GALNT14: variants seen among roughly 807,000 people sequenced by gnomAD.
GALNT14 encodes the protein polypeptide N-acetylgalactosaminyltransferase 14, also known as UDP-GalNAc:polypeptide N-acetylgalactosaminyltransferase 14.
GALNT14 carries 60 observed loss-of-function variants against 77.5 expected under a neutral mutation model. The ratio of observed to expected loss-of-function variants is 0.77; its 90% CI spans 0.63 to 0.96. The LOEUF is 0.96. Ranked by LOEUF, GALNT14 falls within the 40% of genes least tolerant of loss-of-function variation. The pLI is 0.00. For synonymous variants in GALNT14, 280 were observed against 281.7 expected, an observed-to-expected ratio of 0.99 and a Z score of 0.06; for missense variants, 710 against 731.0, an observed-to-expected ratio of 0.97 and a Z score of 0.33.
chr2:31,040,193 G>A (rs1673016639), intron 1 of GALNT14, among the ~76,000 whole-genome samples: 1 of 152,184 alleles, frequency 6.6e-6, no homozygotes, highest in Non-Finnish European at 1.5e-5. Flanking sequence ...GAAAAATAAT[G>A]TAGATAGTAA....
intron 1 of GALNT14, among the ~76,000 whole-genome samples, chr2:31,018,649 T>C (rs1490277428): frequency 6.6e-6 from 1 of 152,202 alleles, no homozygotes; most frequent in African/African-American, 2.4e-5. Context: ...GGCTGGGGAC[T>C]GCTTTTTTTA....
the GALNT14 span, among the ~76,000 whole-genome samples, chr2:30,901,524 C>T: frequency 2.7e-5 from 4 of 150,480 alleles, no homozygotes; most frequent in East Asian, 7.8e-4. Flanking sequence ...TATATAAATT[C>T]CCTTTCCTTT....
chr2:31,099,576 T>C (rs1677166624), intron 1 of GALNT14, among the ~76,000 whole-genome samples: 1 of 152,110 alleles, frequency 6.6e-6, no homozygotes, highest in Non-Finnish European at 1.5e-5. Context: ...TCTTGGTGTA[T>C]ACATGGTGTG....
intron 1 of GALNT14, among the ~76,000 whole-genome samples, chr2:30,993,566 T>C (rs1272112526): frequency 9.2e-5 from 14 of 152,236 alleles, no homozygotes; most frequent in African/African-American, 2.9e-4. Context: ...AGTGGTGTGC[T>C]ACTCACCACC....
chr2:30,965,907 G>A (rs1290162302), intron 3 of GALNT14, among the ~76,000 whole-genome samples: 1 of 152,170 alleles, frequency 6.6e-6, no homozygotes, highest in Non-Finnish European at 1.5e-5. Context: ...TCTAGAGGCA[G>A]CCTGGCAGAG....
chr2:31,014,306 A>C (rs1671211114), intron 1 of GALNT14, among the ~76,000 whole-genome samples: 1 of 152,198 alleles, frequency 6.6e-6, no homozygotes. Context: ...TCAGCTCTGG[A>C]TCTGGATAGC....
chr2:31,028,188 T>C (rs1204889118), intron 1 of GALNT14, among the ~76,000 whole-genome samples: 2 of 152,164 alleles, frequency 1.3e-5, no homozygotes, highest in Admixed American at 1.3e-4. Flanking sequence ...ACATAGTTGC[T>C]CAGGTGAGGT....
At chr2:31,095,575 A>C (rs867291033) in intron 1 of GALNT14, among the ~76,000 whole-genome samples, 14 of 152,246 alleles carry the variant, frequency 9.2e-5, no homozygotes, top group Non-Finnish European at 1.3e-4. Flanking sequence ...TGAAAAAGAA[A>C]TTTTGAAGCT....
At chr2:31,034,458 A>G (rs1406807503) in intron 1 of GALNT14, among the ~76,000 whole-genome samples, 1 of 152,078 alleles carries the variant, frequency 6.6e-6, no homozygotes, top group South Asian at 2.1e-4. Context: ...CCTTCACAAA[A>G]CAGCCTCACT....
At chr2:31,045,453 T>C (rs143186395) in intron 1 of GALNT14, among the ~76,000 whole-genome samples, 1 of 152,268 alleles carries the variant, frequency 6.6e-6, no homozygotes, top group East Asian at 1.9e-4. Flanking sequence ...CCCTCCCCCA[T>C]TTTCATATGC....
intron 2 of GALNT14, among the ~76,000 whole-genome samples, chr2:30,986,370 T>G (rs1669299808): frequency 6.6e-6 from 1 of 152,136 alleles, no homozygotes; most frequent in Non-Finnish European, 1.5e-5. Flanking sequence ...ATACATATGC[T>G]TTATCAAAAT....
At chr2:30,972,941 C>T (rs1668447756) in intron 2 of GALNT14, among the ~76,000 whole-genome samples, 1 of 152,162 alleles carries the variant, frequency 6.6e-6, no homozygotes, top group African/African-American at 2.4e-5. Flanking sequence ...CAGCAAGGCC[C>T]TGGGTGAGGT....
chr2:31,125,078 C>T, intron 1 of GALNT14: 2 of 1,039,158 alleles, frequency 1.9e-6, no homozygotes, highest in Non-Finnish European at 2.9e-6. Flanking sequence ...GATCATCCTA[C>T]CCACAGTACC....
the GALNT14 span, among the ~76,000 whole-genome samples, chr2:30,903,695 C>T: frequency 2.0e-5 from 3 of 152,186 alleles, no homozygotes; most frequent in Admixed American, 2.0e-4. Flanking sequence ...CAGAGGATCT[C>T]ACTAAGATAT....
intron 1 of GALNT14, among the ~76,000 whole-genome samples, chr2:31,025,000 T>G (rs952903790): frequency 6.6e-6 from 1 of 152,220 alleles, no homozygotes; most frequent in African/African-American, 2.4e-5. Context: ...AGCAGGCCAA[T>G]CGCTTCATCT....
chr2:31,086,736 C>T (rs2148591758), intron 1 of GALNT14, among the ~76,000 whole-genome samples: 1 of 152,214 alleles, frequency 6.6e-6, no homozygotes, highest in East Asian at 1.9e-4. Flanking sequence ...TTTAGTCCTC[C>T]CGTACCTAAG....
intron 1 of GALNT14, among the ~76,000 whole-genome samples, chr2:31,038,274 A>G (rs1257859690): frequency 2.6e-5 from 4 of 150,946 alleles, no homozygotes; most frequent in Non-Finnish European, 5.9e-5. Flanking sequence ...TTGTATTTTT[A>G]GTAGAGACAG....
downstream of GALNT14, among the ~76,000 whole-genome samples, chr2:30,907,989 A>G (rs1664189043): frequency 8.9e-6 from 1 of 112,860 alleles, no homozygotes; most frequent in African/African-American, 3.5e-5. Context: ...ATGCAGAAAA[A>G]GCCTTTGACA....
At chr2:31,066,693 G>C (rs903832399) in intron 1 of GALNT14, among the ~76,000 whole-genome samples, 18 of 151,972 alleles carry the variant, frequency 1.2e-4, no homozygotes, top group Admixed American at 9.2e-4. Flanking sequence ...GCAGCCCCCA[G>C]GGCTCAGCTG....
Sources: allele counts gnomAD v4.1 joint callset (sites outside exome capture counted in the v4.1 genomes callset), GRCh38; gene constraint gnomAD v4.1.1; transcripts MANE v1.5; gene names NCBI Gene and HGNC (gene_info 2026-07-23, HGNC 2026-07-21).